The following MTDH variants were observed in gnomAD, a reference collection of about 807,000 sequenced individuals.
MTDH encodes protein LYRIC.
MTDH carries 34 observed loss-of-function variants against 72.7 expected under a neutral mutation model. The observed-to-expected ratio is 0.47, with a 90% confidence interval of 0.36 to 0.62. The LOEUF (loss-of-function observed/expected upper bound fraction) is 0.62. Among genes scored for constraint, MTDH ranks in the 20% least tolerant of loss-of-function variants. The pLI, the probability that MTDH is intolerant of heterozygous loss-of-function variation, is 0.00. For synonymous variants in MTDH, 266 were observed against 268.9 expected (o/e 0.99, Z 0.10); for missense variants, 677 against 699.4 (o/e 0.97, Z 0.36).
chr8:97,662,825 A>G (rs1206662949), intron 2 of MTDH, among the ~76,000 whole-genome samples: 1 of 151,328 alleles, frequency 6.6e-6, no homozygotes, highest in Non-Finnish European at 1.5e-5. Flanking sequence ...TGGTTGCTAC[A>G]GTTTCTTAAT....
At position 97,720,607 on chromosome 8, in the gene MTDH, A is replaced by ATG. The variant is rs530448630; in HGVS notation, c.1521+1428_1521+1429dup. On this transcript the variant is annotated intron_variant, in intron 10 of 11. Transcript: ENST00000336273. ...TATATATATATTTATTTATTTATTT[A>ATG]TGTGTGTGTGTATAATAAATAGCAA... 5.4e-5 allele frequency among the ~76,000 whole-genome samples: 8 copies of ATG among 146,898 alleles called. No homozygotes were observed. The South Asian group carries it at 8.8e-4, about 16-fold the overall frequency.
intron 1 of MTDH, among the ~76,000 whole-genome samples, chr8:97,650,692 G>A (rs775003331): frequency 8.6e-5 from 13 of 152,008 alleles, no homozygotes; most frequent in Non-Finnish European, 1.5e-4. Flanking sequence ...ATAATGTTTC[G>A]TGTTTAGTGG....
At chr8:97,717,890 C>T (rs1814939593) in intron 9 of MTDH, among the ~76,000 whole-genome samples, 1 of 152,062 alleles carries the variant, frequency 6.6e-6, no homozygotes, top group African/African-American at 2.4e-5. Flanking sequence ...GCTGGGATTA[C>T]AGATGTGTAC....
At position 97,729,635 on chromosome 8, in the gene MTDH, C is replaced by T. The variant is rs1193686850; in HGVS notation, c.*4965C>T. On this transcript the variant is annotated 3_prime_UTR_variant, in exon 12 of 12. Transcript: ENST00000336273. ...GCTTAGTGTAGCAGCTAATAATGTT[C>T]CAACTTCTATATGATAGTTTGCTTT... Among the ~76,000 whole-genome samples the T allele has an allele frequency of 1.3e-5, 2 of 152,074 alleles. No homozygotes were observed. Among genetic ancestry groups the T allele is most frequent in the East Asian group, 1.9e-4 (1 of 5,202 alleles).
chr8:97,688,526 T>G (rs1363698349), intron 4 of MTDH, among the ~76,000 whole-genome samples: 1 of 152,212 alleles, frequency 6.6e-6, no homozygotes, highest in East Asian at 1.9e-4. Flanking sequence ...TTTTAAACAT[T>G]GTGATCATTA....
intron 11 of MTDH, among the ~76,000 whole-genome samples, chr8:97,723,561 G>T (rs1043254883): frequency 1.3e-5 from 2 of 150,498 alleles, no homozygotes; most frequent in Admixed American, 6.7e-5. Flanking sequence ...GGCTAACATG[G>T]TGAAACCCCG....
intron 2 of MTDH, among the ~76,000 whole-genome samples, chr8:97,679,901 ATTTAC>A (rs1442701737): frequency 6.6e-6 from 1 of 152,124 alleles, no homozygotes; most frequent in Non-Finnish European, 1.5e-5. Flanking sequence ...GGCACTGCTT[ATTTAC>A]TTATTTTGAG....
In MTDH at chr8:97,655,219, A is replaced by G. The variant is rs370005043; in HGVS notation, c.382-5853A>G. 2.4e-3 allele frequency among the ~76,000 whole-genome samples: 364 copies of G among 152,318 alleles called. 17 individuals are homozygous for G. The South Asian group carries it at 0.073, about 31-fold the overall frequency. The stretch of plus-strand genomic sequence containing the variant: ...TACTCTTGAGAGTGTGAGGGAGAGT[A>G]TACCTTTTGTTTTGTACTTTACTAT... On this transcript the variant is annotated intron_variant, in intron 1 of 11. Coordinates refer to ENST00000336273, the MANE Select transcript of MTDH (RefSeq NM_178812.4).
At chr8:97,703,290 C>G (rs965512064) in intron 7 of MTDH, among the ~76,000 whole-genome samples, 1 of 152,162 alleles carries the variant, frequency 6.6e-6, no homozygotes, top group African/African-American at 2.4e-5. Flanking sequence ...CCTGAGAAGT[C>G]TAGGCTACAG....
intron 1 of MTDH, among the ~76,000 whole-genome samples, chr8:97,645,572 C>T (rs1811535013): frequency 6.6e-6 from 1 of 152,138 alleles, no homozygotes; most frequent in South Asian, 2.1e-4. Context: ...ACGAACGAGT[C>T]TGTTGCACAC....
intron 1 of MTDH, among the ~76,000 whole-genome samples, chr8:97,658,303 C>T (rs893111262): frequency 5.9e-5 from 9 of 152,174 alleles, no homozygotes; most frequent in Admixed American, 5.9e-4. Flanking sequence ...CAGATAGGAG[C>T]GTATGAGCAC....
intron 1 of MTDH, among the ~76,000 whole-genome samples, chr8:97,659,719 T>C (rs1812108933): frequency 1.3e-5 from 2 of 152,218 alleles, no homozygotes; most frequent in African/African-American, 4.8e-5. Context: ...AACTAGTATA[T>C]TGACTTACTA....
At chr8:97,661,708 C>T (rs149891461) in intron 2 of MTDH, among the ~76,000 whole-genome samples, 135 of 152,072 alleles carry the variant, frequency 8.9e-4, no homozygotes, top group African/African-American at 3.0e-3. Flanking sequence ...TTTGGTAGGC[C>T]GAAGTGGGTA....
intron 2 of MTDH, among the ~76,000 whole-genome samples, chr8:97,667,776 G>A (rs950956260): frequency 3.4e-5 from 5 of 147,566 alleles, no homozygotes; most frequent in African/African-American, 1.3e-4. Context: ...AGGATTGCTT[G>A]AGCCCATGAG....
At chr8:97,663,474 C>T (rs1019741070) in intron 2 of MTDH, among the ~76,000 whole-genome samples, 2 of 151,850 alleles carry the variant, frequency 1.3e-5, no homozygotes, top group African/African-American at 2.4e-5. Flanking sequence ...TGTTGCTGGG[C>T]GCGGTGGCTC....
intron 7 of MTDH, among the ~76,000 whole-genome samples, chr8:97,704,009 A>G (rs1814245770): frequency 6.6e-6 from 1 of 152,236 alleles, no homozygotes; most frequent in South Asian, 2.1e-4. Context: ...CTGTGCTACT[A>G]TGTAATACTG....
chr8:97,670,838 C>A (rs764318606), intron 2 of MTDH, among the ~76,000 whole-genome samples: 1 of 152,068 alleles, frequency 6.6e-6, no homozygotes, highest in Non-Finnish European at 1.5e-5. Flanking sequence ...GTCACTGCAA[C>A]CTCCGCCACC....
intron 6 of MTDH, among the ~76,000 whole-genome samples, chr8:97,697,142 A>ATTTTTT (rs1563554116): frequency 5.2e-5 from 4 of 76,870 alleles, no homozygotes; most frequent in African/African-American, 3.8e-4. Flanking sequence ...ATATATATAT[A>ATTTTTT]TATATATATT....
chr8:97,659,575 G>GCC (rs1166067071), intron 1 of MTDH, among the ~76,000 whole-genome samples: 1 of 152,154 alleles, frequency 6.6e-6, no homozygotes, highest in East Asian at 1.9e-4. Context: ...CCTGATCATT[G>GCC]TTAACAAATG....
Sources: gnomAD v4.1 joint callset for allele counts (sites outside exome capture counted in the v4.1 genomes callset) on GRCh38, gnomAD v4.1.1 for gene constraint, MANE v1.5 for transcripts, NCBI Gene and HGNC (gene_info 2026-07-23, HGNC 2026-07-21) for gene names.